The following KANSL1L variants were observed in gnomAD, a reference collection of about 807,000 sequenced individuals.
KANSL1L encodes the protein KAT8 regulatory NSL complex subunit 1 like, also known as KAT8 regulatory NSL complex subunit 1-like protein.
Under a neutral mutation model 108.6 loss-of-function variants are expected in KANSL1L, and 25 were observed. That is an observed-to-expected ratio of 0.23 (90% confidence interval 0.17 to 0.32). The LOEUF (loss-of-function observed/expected upper bound fraction) is 0.32. KANSL1L is among the 10% of genes least tolerant of loss of function. The probability of loss-of-function intolerance (pLI) is 1.00; values close to 1 mark genes in which losing one functional copy is unlikely to be tolerated. For synonymous variants in KANSL1L, 405 were observed against 395.1 expected, an observed-to-expected ratio of 1.03 and a Z score of -0.30; for missense variants, 1,137 against 1,125.7, an observed-to-expected ratio of 1.01 and a Z score of -0.14.
At chr2:210,141,130 C>T (rs1240851505) in intron 2 of KANSL1L, among the ~76,000 whole-genome samples, 1 of 151,200 alleles carries the variant, frequency 6.6e-6, no homozygotes, top group African/African-American at 2.4e-5. Flanking sequence ...TCACTCCCTC[C>T]TTCCTTCCTC....
At chr2:210,079,773 C>A (rs2094575169) in intron 5 of KANSL1L, 1 of 117,600 alleles carries the variant, frequency 8.5e-6, no homozygotes. Flanking sequence ...TGGGAGAGAA[C>A]CAGCTGAAGC....
intron 1 of KANSL1L, among the ~76,000 whole-genome samples, chr2:210,168,488 C>T (rs1331791816): frequency 6.6e-6 from 1 of 152,070 alleles, no homozygotes; most frequent in Non-Finnish European, 1.5e-5. Flanking sequence ...AAAGGAACTT[C>T]AGATAGCAGG....
In KANSL1L at chr2:210,104,096, G is replaced by C. The variant is rs1288135520; in HGVS notation, c.1428+8C>G. The C allele has an allele frequency of 4.4e-6, 7 of 1,604,684 alleles. No individual in the cohort carries two copies. Among genetic ancestry groups the C allele is most frequent in the Non-Finnish European group, 6.0e-6 (7 of 1,171,684 alleles). ...TTCATACCACTGATATCCTTACTTT[G>C]ACTTTACCTGTTTTTCGATGTTTCG... On this transcript the variant is annotated splice_region_variant and intron_variant, in intron 4 of 14. Coordinates refer to ENST00000281772, the MANE Select transcript of KANSL1L (RefSeq NM_152519.4).
At chr2:210,086,774 C>A (rs941677060) in intron 5 of KANSL1L, among the ~76,000 whole-genome samples, 1 of 151,808 alleles carries the variant, frequency 6.6e-6, no homozygotes, top group Non-Finnish European at 1.5e-5. Flanking sequence ...ATGAGGCTAA[C>A]CTTTAAAAAT....
intron 7 of KANSL1L, among the ~76,000 whole-genome samples, chr2:210,041,578 G>A (rs1337257557): frequency 1.3e-5 from 2 of 152,042 alleles, no homozygotes; most frequent in African/African-American, 2.4e-5. Flanking sequence ...TGAGACTACG[G>A]GTGCACAACT....
chr2:210,089,172 T>C (rs1401465371), intron 5 of KANSL1L: 1 of 152,216 alleles, frequency 6.6e-6, no homozygotes, highest in African/African-American at 2.4e-5. Flanking sequence ...TAAACAATTC[T>C]TCCCAAACAG....
intron 8 of KANSL1L, among the ~76,000 whole-genome samples, chr2:210,033,406 T>A (rs2094049861): frequency 6.6e-6 from 1 of 152,276 alleles, no homozygotes; most frequent in South Asian, 2.1e-4. Context: ...GTGTCCATTC[T>A]TTTAATAACA....
chr2:210,141,010 T>C (rs1368675605), intron 2 of KANSL1L, among the ~76,000 whole-genome samples: 1 of 152,146 alleles, frequency 6.6e-6, no homozygotes, highest in East Asian at 1.9e-4. Context: ...ATTGTTTTGA[T>C]GGGGTCTTTA....
intron 1 of KANSL1L, among the ~76,000 whole-genome samples, chr2:210,157,546 C>T (rs1229122661): frequency 6.7e-6 from 1 of 150,144 alleles, no homozygotes; most frequent in Non-Finnish European, 1.5e-5. Flanking sequence ...AAAAAATGTC[C>T]TAGGTGTGGC....
At chr2:210,086,859 A>T (rs2094642502) in intron 5 of KANSL1L, among the ~76,000 whole-genome samples, 1 of 152,132 alleles carries the variant, frequency 6.6e-6, no homozygotes, top group Admixed American at 6.5e-5. Context: ...TATAATAAGC[A>T]TGCTTTATTA....
intron 2 of KANSL1L, among the ~76,000 whole-genome samples, chr2:210,138,118 C>A (rs1160390138): frequency 6.6e-6 from 1 of 151,908 alleles, no homozygotes; most frequent in East Asian, 1.9e-4. Context: ...ATCCAAGAAG[C>A]ATGTTACATC....
chr2:210,075,817 A>C, intron 5 of KANSL1L, 61 bp from the exon 6 acceptor site: 9 of 1,271,948 alleles, frequency 7.1e-6, no homozygotes, highest in Non-Finnish European at 1.0e-5. Flanking sequence ...AAACAAACAA[A>C]AAAGACAAAG....
chr2:210,042,970 A>C (rs1157224040), intron 7 of KANSL1L, among the ~76,000 whole-genome samples: 1 of 152,210 alleles, frequency 6.6e-6, no homozygotes, highest in Non-Finnish European at 1.5e-5. Flanking sequence ...AAATGGAACA[A>C]AAGCTAAGTT....
intron 8 of KANSL1L, among the ~76,000 whole-genome samples, chr2:210,034,830 C>G (rs1225056888): frequency 1.3e-5 from 2 of 152,176 alleles, no homozygotes; most frequent in Admixed American, 1.3e-4. Context: ...TGTTCCTCCT[C>G]TTCCATCTAT....
intron 2 of KANSL1L, chr2:210,151,561 A>C (rs2095303848): frequency 6.6e-6 from 1 of 152,114 alleles, no homozygotes; most frequent in African/African-American, 2.4e-5. Context: ...CAAGAGAATA[A>C]GTATGTGTTT....
chr2:210,049,642 T>C (rs1474525476), intron 6 of KANSL1L, among the ~76,000 whole-genome samples: 1 of 152,180 alleles, frequency 6.6e-6, no homozygotes, highest in Non-Finnish European at 1.5e-5. Flanking sequence ...TTGGCTGCCA[T>C]ACTATAGTAG....
At chr2:210,131,032 C>A (rs2095115355) in intron 2 of KANSL1L, among the ~76,000 whole-genome samples, 1 of 152,066 alleles carries the variant, frequency 6.6e-6, no homozygotes, top group Admixed American at 6.6e-5. Context: ...TATGTTGGAG[C>A]CATTTGACTA....
At chr2:210,150,115 T>C (rs1486363324) in intron 2 of KANSL1L, among the ~76,000 whole-genome samples, 1 of 152,128 alleles carries the variant, frequency 6.6e-6, no homozygotes, top group African/African-American at 2.4e-5. Context: ...GCCAGAAGCC[T>C]ACCTTAATGA....
chr2:210,063,444 T>A (rs1206431999), intron 6 of KANSL1L, among the ~76,000 whole-genome samples: 1 of 152,282 alleles, frequency 6.6e-6, no homozygotes. Context: ...GAATGGTAGA[T>A]CTGCAGACAG....
Sources: allele counts gnomAD v4.1 joint callset (sites outside exome capture counted in the v4.1 genomes callset), GRCh38; gene constraint gnomAD v4.1.1; transcripts MANE v1.5; gene names NCBI Gene and HGNC (gene_info 2026-07-23, HGNC 2026-07-21).